The following JAKMIP2 variants were observed in gnomAD, a reference collection of about 807,000 sequenced individuals.
JAKMIP2 encodes janus kinase and microtubule interacting protein 2.
A neutral mutation model predicts 115.0 loss-of-function variants in JAKMIP2; 25 were observed. The ratio of observed to expected loss-of-function variants is 0.22; its 90% CI spans 0.16 to 0.30. The LOEUF is 0.30. Among genes scored for constraint, JAKMIP2 ranks in the 10% least tolerant of loss-of-function variants. JAKMIP2 has a pLI of 1.00. For synonymous variants in JAKMIP2, 334 were observed against 343.6 expected, an observed-to-expected ratio of 0.97 and a Z score of 0.31; for missense variants, 642 against 957.6, an observed-to-expected ratio of 0.67 and a Z score of 4.35.
chr5:147,776,877 A>G (rs543033947), intron 1 of JAKMIP2, among the ~76,000 whole-genome samples: 2 of 152,166 alleles, frequency 1.3e-5, no homozygotes, highest in Non-Finnish European at 2.9e-5. Flanking sequence ...GCAGTGAGCC[A>G]AGACCATGCC....
intron 3 of JAKMIP2, among the ~76,000 whole-genome samples, chr5:147,657,506 C>T (rs1758738773): frequency 6.6e-6 from 1 of 152,180 alleles, no homozygotes; most frequent in East Asian, 1.9e-4. Context: ...AATGGAGTAT[C>T]TTAGTGGTGT....
At chr5:147,751,359 A>T (rs145321326) in intron 1 of JAKMIP2, among the ~76,000 whole-genome samples, 1 of 150,662 alleles carries the variant, frequency 6.6e-6, no homozygotes, top group Admixed American at 6.6e-5. Context: ...CCGCCTCCCA[A>T]CGTGCTGGGA....
At chr5:147,704,605 C>A (rs1409209767) in intron 1 of JAKMIP2, among the ~76,000 whole-genome samples, 1 of 152,092 alleles carries the variant, frequency 6.6e-6, no homozygotes, top group Admixed American at 6.5e-5. Context: ...AGGAATGATT[C>A]ACTCTCCCAG....
intron 19 of JAKMIP2, among the ~76,000 whole-genome samples, chr5:147,614,669 G>A (rs900755479): frequency 2.2e-4 from 34 of 152,254 alleles, no homozygotes; most frequent in African/African-American, 8.2e-4. Flanking sequence ...GTTTAAGCGG[G>A]TGGGGAAGAA....
intron 20 of JAKMIP2, among the ~76,000 whole-genome samples, chr5:147,610,750 A>C (rs1756275287): frequency 6.6e-6 from 1 of 152,210 alleles, no homozygotes; most frequent in African/African-American, 2.4e-5. Flanking sequence ...GCCAGCAGGC[A>C]GGAATGTTTA....
At chr5:147,781,513 T>G (rs1198875940) in intron 1 of JAKMIP2, among the ~76,000 whole-genome samples, 1 of 126,230 alleles carries the variant, frequency 7.9e-6, no homozygotes, top group Non-Finnish European at 1.9e-5. Flanking sequence ...CCCATTCCCA[T>G]CATTGTAAAT....
At chr5:147,750,510 G>A (rs535157642) in intron 1 of JAKMIP2, among the ~76,000 whole-genome samples, 6 of 151,222 alleles carry the variant, frequency 4.0e-5, no homozygotes, top group African/African-American at 1.5e-4. Flanking sequence ...AAGAAAAAAT[G>A]AGTAAGCACA....
chr5:147,609,002 C>CTTT lies in JAKMIP2; in HGVS notation c.2412+3301_2412+3303dup, dbSNP rs138342968. ...TCAGAGACTAGAATTGCAACCCCAG[C>CTTT]TTTTTTTTTGCTTTCCATTTGCTTG... On this transcript the variant is annotated intron_variant, in intron 20 of 21. Transcript: ENST00000616793. Among the ~76,000 whole-genome samples the CTTT allele has an allele frequency of 1.9e-3, 277 of 148,678 alleles. 1 individual carries two copies. The highest frequency in any genetic ancestry group is 4.0e-3 in the African/African-American group (162 of 40,820).
intron 11 of JAKMIP2, 68 bp from the exon 12 acceptor site, chr5:147,636,352 C>A: frequency 1.5e-6 from 2 of 1,351,246 alleles, no homozygotes; most frequent in South Asian, 2.4e-5. Flanking sequence ...GTTGTCAAAC[C>A]ACTTTGCCAG....
chr5:147,627,329 T>C (rs958011039), intron 16 of JAKMIP2, among the ~76,000 whole-genome samples: 3 of 151,306 alleles, frequency 2.0e-5, no homozygotes, highest in Non-Finnish European at 4.4e-5. Flanking sequence ...CAGGCAGAGG[T>C]AGAAAGGCAA....
At chr5:147,702,762 G>C (rs1484905853) in intron 1 of JAKMIP2, among the ~76,000 whole-genome samples, 1 of 152,078 alleles carries the variant, frequency 6.6e-6, no homozygotes, top group Non-Finnish European at 1.5e-5. Context: ...GACAGAAGCT[G>C]ATGATCCAAA....
intron 1 of JAKMIP2, among the ~76,000 whole-genome samples, chr5:147,676,202 G>T (rs1290916114): frequency 1.3e-5 from 2 of 152,206 alleles, no homozygotes; most frequent in Non-Finnish European, 2.9e-5. Flanking sequence ...CGGACGTGGC[G>T]GCCGGCGCCT....
chr5:147,782,624 C>G lies in JAKMIP2; in HGVS notation c.-317G>C. ...GATGGTGCGAATAGGAACCACCCTT[C>G]CAGCCCCACTAGAGTATCAGCAATA... On this transcript the variant is annotated 5_prime_UTR_variant, in exon 1 of 22. Coordinates refer to ENST00000616793, the MANE Select transcript of JAKMIP2 (RefSeq NM_001270941.2). 5 of 716,346 alleles carry G rather than the reference C, an allele frequency of 7.0e-6. No individual in the cohort carries two copies. The highest frequency in any genetic ancestry group is 1.2e-5 in the Non-Finnish European group (5 of 402,158). 44.4% of individuals were successfully genotyped at this position (716,346 alleles called of 1,614,324 possible). A position where few individuals can be genotyped will look rare whatever the true frequency, so the allele number is the denominator to read the frequency against.
At chr5:147,664,432 G>A (rs554182562) in intron 2 of JAKMIP2, among the ~76,000 whole-genome samples, 170 of 152,092 alleles carry the variant, frequency 1.1e-3, no homozygotes, top group African/African-American at 3.8e-3. Context: ...CACCTGTCCC[G>A]TGCTCTAGGT....
At chr5:147,674,826 T>C (rs1759840056) in intron 1 of JAKMIP2, among the ~76,000 whole-genome samples, 1 of 152,216 alleles carries the variant, frequency 6.6e-6, no homozygotes, top group African/African-American at 2.4e-5. Context: ...CCAAGCTCTT[T>C]TTCTCTGGAC....
At chr5:147,704,708 T>C (rs564992502) in intron 1 of JAKMIP2, among the ~76,000 whole-genome samples, 20 of 152,242 alleles carry the variant, frequency 1.3e-4, no homozygotes, top group Admixed American at 5.2e-4. Flanking sequence ...AAAAGTCAAG[T>C]CAAGCAGAGG....
At position 147,639,866 on chromosome 5, in the gene JAKMIP2, G is replaced by T. The variant is rs1757796964; in HGVS notation, c.1402-106C>A. The T allele has an allele frequency of 3.8e-6, 5 of 1,316,540 alleles. No individual in the cohort carries two copies. The South Asian group carries it at 5.7e-5, about 15-fold the overall frequency. The allele number at this position is 1,316,540 out of a possible 1,614,324, so 81.6% of individuals were successfully genotyped here. A position where few individuals can be genotyped will look rare whatever the true frequency, so the allele number is the denominator to read the frequency against. On this transcript the variant is annotated intron_variant, in intron 9 of 21. Transcript: ENST00000616793. ...CACTTTTTACAAGAAGTAAAAGGTTGTTTAACAGTCTATTTGATTTTATTT... is the reference window on the plus strand; with the variant it reads ...CACTTTTTACAAGAAGTAAAAGGTTTTTTAACAGTCTATTTGATTTTATTT...
At chr5:147,635,895 C>T (rs992411170) in intron 12 of JAKMIP2, among the ~76,000 whole-genome samples, 4 of 152,132 alleles carry the variant, frequency 2.6e-5, no homozygotes, top group African/African-American at 7.2e-5. Context: ...AACAACTACA[C>T]AGGATGTGCA....
intron 3 of JAKMIP2, among the ~76,000 whole-genome samples, chr5:147,654,680 T>C (rs1758585445): frequency 6.6e-6 from 1 of 152,186 alleles, no homozygotes; most frequent in South Asian, 2.1e-4. Context: ...TGACTTCCTC[T>C]CTTCCTATCT....
Sources: allele counts gnomAD v4.1 joint callset (sites outside exome capture counted in the v4.1 genomes callset), GRCh38; gene constraint gnomAD v4.1.1; transcripts MANE v1.5; gene names NCBI Gene and HGNC (gene_info 2026-07-23, HGNC 2026-07-21).